Variants in LARP4B observed in about 807,000 individuals in gnomAD.
LARP4B encodes la-related protein 4B.
A neutral mutation model predicts 89.8 loss-of-function variants in LARP4B; 12 were observed. That is an observed-to-expected ratio of 0.13 (90% CI 0.09 to 0.22). The LOEUF (loss-of-function observed/expected upper bound fraction) is 0.22. Among genes scored for constraint, LARP4B ranks in the 10% least tolerant of loss-of-function variants. The pLI, the probability that LARP4B is intolerant of heterozygous loss-of-function variation, is 1.00. For missense variants in LARP4B, 757 were observed against 947.7 expected (o/e 0.80, Z 2.64); for synonymous variants, 367 against 363.3 (o/e 1.01, Z -0.12).
chr10:962,633 C>T, the LARP4B span, among the ~76,000 whole-genome samples: 209 of 152,228 alleles, frequency 1.4e-3, 2 homozygotes, highest in African/African-American at 4.9e-3. Context: ...GATTTATAGA[C>T]GGAATCAAGG....
Position 817,712 on chromosome 10 carries a change from A to G in LARP4B, c.1695+13T>C. 1 of 1,611,710 alleles carries G rather than the reference A, an allele frequency of 6.2e-7. No individual in the cohort carries two copies. Among genetic ancestry groups the G allele is most frequent in the South Asian group, 1.1e-5 (1 of 90,974 alleles). Reference sequence around the variant, plus strand: ...ACTGTTGGCAACTATTAGACATGCAATATATCCCTTACCCTTTCTTTGGAT... The same window carrying G: ...ACTGTTGGCAACTATTAGACATGCAGTATATCCCTTACCCTTTCTTTGGAT... On this transcript the variant is annotated intron_variant, in intron 15 of 17. Coordinates refer to ENST00000316157, the MANE Select transcript of LARP4B (RefSeq NM_015155.3).
At chr10:921,555 C>A (rs1836981286) in intron 1 of LARP4B, among the ~76,000 whole-genome samples, 1 of 152,142 alleles carries the variant, frequency 6.6e-6, no homozygotes, top group Admixed American at 6.5e-5. Flanking sequence ...TTCCAAAATT[C>A]TGAACTTACA....
chr10:883,943 C>T (rs1407955928), intron 3 of LARP4B, among the ~76,000 whole-genome samples: 1 of 151,968 alleles, frequency 6.6e-6, no homozygotes, highest in Non-Finnish European at 1.5e-5. Context: ...ACTGAATTTC[C>T]AGTAGTAGCT....
At chr10:875,618 TGA>T (rs1413472237) in intron 3 of LARP4B, among the ~76,000 whole-genome samples, 1 of 152,240 alleles carries the variant, frequency 6.6e-6, no homozygotes, top group Non-Finnish European at 1.5e-5. Flanking sequence ...TTCTGGAGGC[TGA>T]GAGTCTCAAG....
chr10:871,305 G>A (rs1333732976), intron 3 of LARP4B, among the ~76,000 whole-genome samples: 1 of 152,200 alleles, frequency 6.6e-6, no homozygotes, highest in Non-Finnish European at 1.5e-5. Flanking sequence ...CAGTTACTGT[G>A]AAGAGATCTG....
intron 8 of LARP4B, among the ~76,000 whole-genome samples, chr10:834,814 T>C (rs1833107125): frequency 6.6e-6 from 1 of 152,206 alleles, no homozygotes; most frequent in Non-Finnish European, 1.5e-5. Flanking sequence ...GTTTTAAATA[T>C]TACTTTGAGT....
chr10:815,194 G>C, intron 15 of LARP4B, 124 bp from the exon 16 acceptor site: 3 of 1,140,496 alleles, frequency 2.6e-6, no homozygotes, highest in Non-Finnish European at 3.6e-6. Context: ...GGGGAAGAGG[G>C]TCTTCTCCAG....
the LARP4B span, among the ~76,000 whole-genome samples, chr10:981,419 A>G: frequency 9.2e-5 from 14 of 152,174 alleles, no homozygotes; most frequent in South Asian, 2.1e-4. Flanking sequence ...TGTGATCCAA[A>G]CACCTTGCAC....
At chr10:943,840 C>G in the LARP4B span, among the ~76,000 whole-genome samples, 1 of 152,044 alleles carries the variant, frequency 6.6e-6, no homozygotes, top group Middle Eastern at 3.4e-3. Context: ...TCGCAGCTTT[C>G]TTGGTGGTGT....
rs904681398 is a variant in LARP4B at position 814,348 on chromosome 10, G to C, written c.1929+394C>G. 1 of 332,364 alleles carries C rather than the reference G, an allele frequency of 3.0e-6. No individual in the cohort carries two copies. The highest frequency in any genetic ancestry group is 6.0e-6 in the Non-Finnish European group (1 of 166,308). The allele number at this position is 332,364 out of a possible 1,614,324, so 20.6% of individuals were successfully genotyped here. On this transcript the variant is annotated intron_variant, in intron 17 of 17. Coordinates refer to ENST00000316157, the MANE Select transcript of LARP4B (RefSeq NM_015155.3). The surrounding 1 kb of genome is among the most constrained non-coding windows in gnomAD (Gnocchi z 4.4). ...CTGGGCCCACAGGGGTTGGAGGCTG[G>C]TGGGGCCACCATCTTGCTCTTCCTG...
At chr10:901,895 A>G (rs1349950416) in intron 1 of LARP4B, among the ~76,000 whole-genome samples, 7 of 152,220 alleles carry the variant, frequency 4.6e-5, no homozygotes, top group African/African-American at 1.7e-4. Flanking sequence ...CAGACACAAG[A>G]TACAAAAACT....
At chr10:934,804 T>TA (rs1034623046), upstream of LARP4B, among the ~76,000 whole-genome samples, 11 of 152,196 alleles carry the variant, frequency 7.2e-5, no homozygotes, top group Admixed American at 2.0e-4. Flanking sequence ...CAATCCTACC[T>TA]AAAAACTCTT....
chr10:895,464 A>C (rs1836157876), intron 1 of LARP4B, among the ~76,000 whole-genome samples: 1 of 151,948 alleles, frequency 6.6e-6, no homozygotes, highest in Admixed American at 6.5e-5. Context: ...TTTGGGAGAC[A>C]AGGTAGGGAG....
At chr10:909,272 C>G (rs569231571) in intron 1 of LARP4B, among the ~76,000 whole-genome samples, 22 of 124,764 alleles carry the variant, frequency 1.8e-4, no homozygotes, top group South Asian at 2.5e-4. Context: ...CCAGCCTGGG[C>G]GACAGAGCAC....
chr10:908,782 G>A (rs962705383), intron 1 of LARP4B, among the ~76,000 whole-genome samples: 11 of 152,208 alleles, frequency 7.2e-5, no homozygotes, highest in African/African-American at 2.7e-4. Context: ...CTATGAAACA[G>A]AATTCAGAAG....
At chr10:916,592 G>A (rs562339009) in intron 1 of LARP4B, among the ~76,000 whole-genome samples, 16 of 152,328 alleles carry the variant, frequency 1.1e-4, no homozygotes, top group Middle Eastern at 3.4e-3. Context: ...ATACTTGGGA[G>A]GCCGTGGCAG....
rs1831740676 is a variant in LARP4B at position 811,444 on chromosome 10, T to C, written c.*1482A>G. 6.6e-6 allele frequency: 1 copy of C among 152,626 alleles called. No individual in the cohort carries two copies. Among genetic ancestry groups the C allele is most frequent in the Non-Finnish European group, 1.5e-5 (1 of 68,038 alleles). The allele number at this position is 152,626 out of a possible 1,614,324, so 9.5% of individuals were successfully genotyped here. ...AAAAAAGATCAACTGTTGAAGATCT[T>C]TAAGGTATATTACAAAAACTACTAC... On this transcript the variant is annotated 3_prime_UTR_variant, in exon 18 of 18. Coordinates refer to ENST00000316157, the MANE Select transcript of LARP4B (RefSeq NM_015155.3).
chr10:908,800 ACTC>A (rs1303818834), intron 1 of LARP4B, among the ~76,000 whole-genome samples: 1 of 152,070 alleles, frequency 6.6e-6, no homozygotes. Context: ...AAGTTCCAGG[ACTC>A]CTCCAAGTTC....
the LARP4B span, among the ~76,000 whole-genome samples, chr10:939,031 G>A: frequency 1.3e-5 from 2 of 152,228 alleles, no homozygotes; most frequent in Admixed American, 6.5e-5. Context: ...CCCTGCTTTC[G>A]CATGTTTTAA....
Sources: gnomAD v4.1 joint callset for allele counts (sites outside exome capture counted in the v4.1 genomes callset) on GRCh38, gnomAD v4.1.1 for gene constraint, Gnocchi (gnomAD v3.1) non-coding constraint, MANE v1.5 for transcripts, NCBI Gene and HGNC (gene_info 2026-07-23, HGNC 2026-07-21) for gene names.